ALMS1: variants seen among roughly 807,000 people sequenced by gnomAD.
ALMS1 encodes the protein ALMS1 centrosome and basal body associated protein.
ALMS1 carries 271 observed loss-of-function variants against 352.2 expected under a neutral mutation model. That is an observed-to-expected ratio of 0.77 (90% CI 0.70 to 0.85). The LOEUF (loss-of-function observed/expected upper bound fraction) is 0.85, where lower values mean the gene tolerates loss of function less well. ALMS1 is among the 40% of genes least tolerant of loss of function. The probability of loss-of-function intolerance (pLI) is 0.00; values close to 1 mark genes in which losing one functional copy is unlikely to be tolerated. For synonymous variants in ALMS1, 1,865 were observed against 1,761.2 expected, an observed-to-expected ratio of 1.06 and a Z score of -1.48; for missense variants, 5,445 against 4,870.7, an observed-to-expected ratio of 1.12 and a Z score of -3.51.
intron 1 of ALMS1, among the ~76,000 whole-genome samples, chr2:73,403,709 A>G (rs1289320845): frequency 1.3e-5 from 2 of 152,012 alleles, no homozygotes; most frequent in Non-Finnish European, 2.9e-5. Context: ...TTTCATTAGT[A>G]TTGTAGTTTT....
At chr2:73,590,076 T>G (rs775722999) in intron 16 of ALMS1, among the ~76,000 whole-genome samples, 86 of 152,024 alleles carry the variant, frequency 5.7e-4, no homozygotes, top group Admixed American at 4.4e-3. Context: ...GAGATGATAC[T>G]TGTCTTGAAC....
At chr2:73,464,455 A>G (rs1672282233) in intron 9 of ALMS1, among the ~76,000 whole-genome samples, 1 of 152,234 alleles carries the variant, frequency 6.6e-6, no homozygotes, top group Admixed American at 6.5e-5. Context: ...TCAAAATAAT[A>G]AGAGCTATCT....
rs757356524 is a variant in ALMS1 at position 73,451,356 on chromosome 2, T to C, written c.4829T>C (p.Ile1610Thr). ...GGACCTACTGAAAAAAAGACTGACA[T>C]ACCAGCAGGACCTTTAGGTTCCAGT... ...VSGPTEKKTD[I>T]PAGPLGSSAL... Residue 1610 changes from isoleucine (I) to threonine (T), a missense_variant, in exon 8 of 23, where the codon ATA becomes ACA. By Grantham distance (89) the Ile-to-Thr change is moderately conservative. Transcript: ENST00000613296. The C allele has an allele frequency of 2.5e-6, 4 of 1,613,832 alleles. No homozygotes were observed. The Admixed American group carries it at 6.7e-5, about 27-fold the overall frequency.
At chr2:73,437,431 A>T (rs1671625137) in intron 7 of ALMS1, among the ~76,000 whole-genome samples, 1 of 152,166 alleles carries the variant, frequency 6.6e-6, no homozygotes, top group Admixed American at 6.5e-5. Flanking sequence ...AGGTTGGGAT[A>T]AATCTTCCAC....
chr2:73,461,864 G>A (rs942222283), intron 9 of ALMS1, among the ~76,000 whole-genome samples: 5 of 152,112 alleles, frequency 3.3e-5, no homozygotes, highest in African/African-American at 1.2e-4. Context: ...AGTGATGGAA[G>A]ATGAAATGAA....
intron 16 of ALMS1, among the ~76,000 whole-genome samples, chr2:73,591,798 TCCAGGC>T (rs1311692553): frequency 6.6e-6 from 1 of 152,174 alleles, no homozygotes; most frequent in Admixed American, 6.5e-5. Flanking sequence ...TAGGGCTACT[TCCAGGC>T]TGTAGTTTTT....
In ALMS1 at chr2:73,600,737, C is replaced by T. The variant is rs761099182; in HGVS notation, c.11728C>T (p.Pro3910Ser). ...KHTRDVGITF[P>S]TPSSSEAKLE... is the part of the protein sequence containing the mutation. ...CACTCGAGATGTTGGGATAACTTTC[C>T]CAACTCCAAGTTCCAGCGAGGCTAA... The change falls in exon 18 of 23, where the codon CCA becomes TCA. Residue 3910 changes from proline to serine, a missense_variant. Pro to Ser is a moderately conservative substitution (Grantham distance 74). Transcript: ENST00000613296. 2 of 1,614,004 alleles carry T rather than the reference C, an allele frequency of 1.2e-6. No homozygotes were observed. The highest frequency in any genetic ancestry group is 2.2e-5 in the South Asian group (2 of 91,076).
chr2:73,499,655 C>T lies in ALMS1; in HGVS notation c.9539+8157C>T, dbSNP rs1054046603. ...ATCTCTTTTATCCTAGCCTTGGTGT[C>T]TGTTCCCATGTGATTTAGTTTTTAT... On this transcript the variant is annotated intron_variant, in intron 10 of 22. Transcript: ENST00000613296. Among the ~76,000 whole-genome samples the T allele has an allele frequency of 7.2e-5, 11 of 152,242 alleles. 1 individual carries two copies. In the East Asian group the frequency reaches 1.9e-3, roughly 27 times the overall value.
chr2:73,466,762 T>C (rs957743243), intron 9 of ALMS1, among the ~76,000 whole-genome samples: 1 of 152,110 alleles, frequency 6.6e-6, no homozygotes, highest in Non-Finnish European at 1.5e-5. Flanking sequence ...TGTGGATAAA[T>C]AAAGCTAAAT....
chr2:73,428,307 G>A (rs1671420573), intron 6 of ALMS1, among the ~76,000 whole-genome samples: 1 of 152,092 alleles, frequency 6.6e-6, no homozygotes, highest in Non-Finnish European at 1.5e-5. Flanking sequence ...TTCAGCAATT[G>A]GGGGAACCAG....
chr2:73,594,583 G>A (rs1006482070), intron 16 of ALMS1, among the ~76,000 whole-genome samples: 3 of 152,152 alleles, frequency 2.0e-5, no homozygotes, highest in African/African-American at 7.2e-5. Context: ...CAAATGACAG[G>A]CCACCCTCTA....
chr2:73,463,454 G>A (rs1486471622), intron 9 of ALMS1, among the ~76,000 whole-genome samples: 6 of 146,266 alleles, frequency 4.1e-5, no homozygotes, highest in South Asian at 2.3e-4. Context: ...TCAAAGCAGT[G>A]TGTAGAGGGA....
At chr2:73,493,346 TAC>T (rs55857864) in intron 10 of ALMS1, among the ~76,000 whole-genome samples, 40,837 of 143,964 alleles carry the variant, frequency 0.28, 6,376 homozygotes, top group African/African-American at 0.44. Flanking sequence ...TAAGGCAAAC[TAC>T]ACACACACAC....
Position 73,408,566 on chromosome 2 carries a change from T to C in ALMS1, c.325-56T>C. ...GGTCTAAATATTAGTTTATTTTTGT[T>C]GTATAATCATAGTGATTGTGTTATT... On this transcript the variant is annotated intron_variant, in intron 1 of 22. Coordinates refer to ENST00000613296, the MANE Select transcript of ALMS1 (RefSeq NM_001378454.1). 3 of 1,572,018 alleles carry C rather than the reference T, an allele frequency of 1.9e-6. No individual in the cohort carries two copies. In the South Asian group the frequency reaches 3.4e-5, roughly 18 times the overall value.
rs1307590884 is a variant in ALMS1 at position 73,452,882 on chromosome 2, C to G, written c.6355C>G (p.Leu2119Val). 6.2e-7 allele frequency: 1 copy of G among 1,613,708 alleles called. No individual in the cohort carries two copies. The part of the protein sequence containing the change: ...LPGSHVTEDV[L>V]KVSTIPGPAG... The stretch of plus-strand genomic sequence containing the variant: ...AGGTAGTCATGTAACTGAAGATGTG[C>G]TGAAGGTTTCAACAATTCCTGGACC... Residue 2119 changes from leucine (L) to valine (V), a missense_variant, in exon 8 of 23, where the codon CTG (leucine) becomes GTG (valine). Coordinates refer to ENST00000613296, the MANE Select transcript of ALMS1 (RefSeq NM_001378454.1).
intron 9 of ALMS1, among the ~76,000 whole-genome samples, chr2:73,473,934 G>C (rs1672522660): frequency 6.6e-6 from 1 of 152,046 alleles, no homozygotes; most frequent in East Asian, 1.9e-4. Flanking sequence ...GAGAGAGAGA[G>C]AGAGAGAGAG....
intron 1 of ALMS1, among the ~76,000 whole-genome samples, chr2:73,386,605 C>CT (rs1670539846): frequency 6.6e-6 from 1 of 152,130 alleles, no homozygotes; most frequent in African/African-American, 2.4e-5. Flanking sequence ...CAGGACTCCC[C>CT]TGAGGGAGTA....
intron 9 of ALMS1, among the ~76,000 whole-genome samples, chr2:73,460,880 G>A (rs1487349953): frequency 1.3e-5 from 2 of 152,360 alleles, no homozygotes; most frequent in East Asian, 1.9e-4. Context: ...AGGCAGCAGC[G>A]AGGCTGGGGG....
chr2:73,554,991 T>C (rs1674514975), intron 13 of ALMS1, among the ~76,000 whole-genome samples: 1 of 152,034 alleles, frequency 6.6e-6, no homozygotes, highest in South Asian at 2.1e-4. Context: ...TAAGAGAAAA[T>C]TATAAAACTA....
Sources: gnomAD v4.1 joint callset for allele counts (sites outside exome capture counted in the v4.1 genomes callset) on GRCh38, gnomAD v4.1.1 for gene constraint, MANE v1.5 for transcripts, NCBI Gene and HGNC (gene_info 2026-07-23, HGNC 2026-07-21) for gene names.